The following SCN2A variants were observed in gnomAD, a reference collection of about 807,000 sequenced individuals.
The protein encoded by SCN2A is sodium voltage-gated channel alpha subunit 2.
Under a neutral mutation model 188.7 loss-of-function variants are expected in SCN2A, and 20 were observed. The ratio of observed to expected loss-of-function variants is 0.11; its 90% CI spans 0.07 to 0.15. SCN2A has a LOEUF of 0.15. Ranked by LOEUF, SCN2A falls within the 10% of genes least tolerant of loss-of-function variation. SCN2A has a pLI of 1.00. For synonymous variants in SCN2A, 804 were observed against 833.1 expected, an observed-to-expected ratio of 0.97 and a Z score of 0.60; for missense variants, 1,278 against 2,445.0, an observed-to-expected ratio of 0.52 and a Z score of 10.07.
At chr2:165,295,734 C>A in intron 1 of SCN2A, 39 bp from the exon 2 acceptor site, 2 of 1,584,488 alleles carry the variant, frequency 1.3e-6, no homozygotes, top group East Asian at 2.2e-5. Context: ...ACCTTTTATT[C>A]TAATGGTCAT....
At chr2:165,281,891 G>A (rs1695598231) in intron 1 of SCN2A, among the ~76,000 whole-genome samples, 1 of 152,116 alleles carries the variant, frequency 6.6e-6, no homozygotes, top group Non-Finnish European at 1.5e-5. Flanking sequence ...TTTTGTAAGT[G>A]AAAGTCATGG....
intron 1 of SCN2A, among the ~76,000 whole-genome samples, chr2:165,265,491 A>ATATATATATATATATATATATT (rs1694811373): frequency 8.5e-6 from 1 of 117,588 alleles, no homozygotes; most frequent in African/African-American, 3.1e-5. Context: ...ATATATATAT[A>ATATATATATATATATATATATT]TATATATATA....
intron 17 of SCN2A, among the ~76,000 whole-genome samples, chr2:165,363,890 C>A (rs1449227014): frequency 6.6e-6 from 1 of 151,936 alleles, no homozygotes; most frequent in Non-Finnish European, 1.5e-5. Context: ...GTACAAGAGA[C>A]AAAAGCATTT....
In SCN2A at chr2:165,331,547, T is replaced by C. The variant is rs1181917414; in HGVS notation, c.2367T>C (p.Ser789=). 6.2e-7 allele frequency: 1 copy of C among 1,613,256 alleles called. No individual in the cohort carries two copies. Among genetic ancestry groups the C allele is most frequent in the Non-Finnish European group, 8.5e-7 (1 of 1,179,500 alleles). Residue 789 remains serine, a synonymous_variant, in exon 14 of 27, where the codon AGT becomes AGC. Coordinates refer to ENST00000375437, the MANE Select transcript of SCN2A (RefSeq NM_001040142.2). ...ATCCCATGACGGAGCAGTTCAGCAGTGTACTGTCTGTTGGAAACCTGGTAA... is the reference window on the plus strand; with the variant it reads ...ATCCCATGACGGAGCAGTTCAGCAGCGTACTGTCTGTTGGAAACCTGGTAA... The part of the protein sequence containing the change: ...EHYPMTEQFS[S]VLSVGNLVFT...
At position 165,345,151 on chromosome 2, in the gene SCN2A, T is replaced by A. The variant is rs57398893; in HGVS notation, c.2919+240T>A. ...TCCTTCTTGCTACAAGGAGAGAAACTTTTCTGTTATTTATCTTTCAGTTCT... is the reference window on the plus strand; with the variant it reads ...TCCTTCTTGCTACAAGGAGAGAAACATTTCTGTTATTTATCTTTCAGTTCT... On this transcript the variant is annotated intron_variant, in intron 16 of 26. Transcript: ENST00000375437. Among the ~76,000 whole-genome samples, 4,535 of 152,238 alleles carry A rather than the reference T, an allele frequency of 0.03. 207 individuals carry two copies. The highest frequency in any genetic ancestry group is 0.1 in the African/African-American group (4,242 of 41,528).
chr2:165,254,259 A>G (rs1048931205), intron 1 of SCN2A, among the ~76,000 whole-genome samples: 5 of 151,654 alleles, frequency 3.3e-5, no homozygotes, highest in African/African-American at 1.2e-4. Context: ...TCATTAATAT[A>G]TTTTTAAGTA....
chr2:165,329,982 C>T (rs1228751933), intron 13 of SCN2A, among the ~76,000 whole-genome samples: 2 of 151,674 alleles, frequency 1.3e-5, no homozygotes, highest in African/African-American at 2.4e-5. Flanking sequence ...AAACAATAAG[C>T]AATAAATTAA....
chr2:165,263,860 T>G (rs1422322788), intron 1 of SCN2A, among the ~76,000 whole-genome samples: 1 of 151,120 alleles, frequency 6.6e-6, no homozygotes, highest in Non-Finnish European at 1.5e-5. Flanking sequence ...TTAATCTCCT[T>G]CGTTAAGTAT....
chr2:165,291,164 C>A (rs1200001600), intron 1 of SCN2A, among the ~76,000 whole-genome samples: 1 of 150,302 alleles, frequency 6.7e-6, no homozygotes, highest in Non-Finnish European at 1.5e-5. Context: ...GCCTCAGCCT[C>A]CCCAGTAGCT....
At chr2:165,360,143 A>G (rs1037780945) in intron 17 of SCN2A, among the ~76,000 whole-genome samples, 1 of 151,934 alleles carries the variant, frequency 6.6e-6, no homozygotes, top group Non-Finnish European at 1.5e-5. Flanking sequence ...ATTATATACA[A>G]TATCTACTAA....
chr2:165,295,594 C>G (rs546516274), intron 1 of SCN2A, among the ~76,000 whole-genome samples, 179 bp from the exon 2 acceptor site: 6 of 152,202 alleles, frequency 3.9e-5, no homozygotes, highest in Non-Finnish European at 5.9e-5. Flanking sequence ...AGAGATAGAT[C>G]TCCATGTGAG....
chr2:165,348,402 C>T (rs190603460), intron 16 of SCN2A, among the ~76,000 whole-genome samples: 1 of 150,874 alleles, frequency 6.6e-6, no homozygotes, highest in African/African-American at 2.4e-5. Context: ...ACATGATTTC[C>T]TCTCATATAA....
At chr2:165,380,037 A>G (rs1053546630) in intron 23 of SCN2A, among the ~76,000 whole-genome samples, 2 of 151,840 alleles carry the variant, frequency 1.3e-5, no homozygotes, top group African/African-American at 2.4e-5. Context: ...ACCTACTACA[A>G]TGATTCTTGC....
At chr2:165,295,687 G>A in intron 1 of SCN2A, 86 bp from the exon 2 acceptor site, 4 of 1,252,572 alleles carry the variant, frequency 3.2e-6, no homozygotes, top group Non-Finnish European at 4.5e-6. Flanking sequence ...TTTCTATGCT[G>A]TATCTCAGTG....
chr2:165,309,167 A>T (rs778696534), intron 5 of SCN2A, 185 bp from the exon 6 acceptor site: 2 of 1,613,106 alleles, frequency 1.2e-6, no homozygotes, highest in Non-Finnish European at 1.7e-6. Context: ...TTCTACAGGT[A>T]TGTAACAGAA....
chr2:165,337,287 A>G (rs528553358), intron 14 of SCN2A, among the ~76,000 whole-genome samples: 2 of 152,246 alleles, frequency 1.3e-5, no homozygotes, highest in Non-Finnish European at 2.9e-5. Context: ...TAGAGAATTA[A>G]AAGGAAAAAT....
chr2:165,375,648 C>T (rs193012154), intron 22 of SCN2A, among the ~76,000 whole-genome samples: 1 of 151,840 alleles, frequency 6.6e-6, no homozygotes, highest in Non-Finnish European at 1.5e-5. Context: ...AAAGTAAATG[C>T]GCTTGAATGT....
chr2:165,294,275 A>G (rs1160830043), intron 1 of SCN2A: 1 of 253,386 alleles, frequency 3.9e-6, no homozygotes, highest in Admixed American at 6.5e-5. Flanking sequence ...TGTCTCTTCT[A>G]TTAGAGAATC....
chr2:165,274,778 A>G (rs1695262155), intron 1 of SCN2A, among the ~76,000 whole-genome samples: 1 of 152,128 alleles, frequency 6.6e-6, no homozygotes, highest in African/African-American at 2.4e-5. Flanking sequence ...TGTACTTTTC[A>G]TATCCGTAAA....
Sources: allele counts gnomAD v4.1 joint callset (sites outside exome capture counted in the v4.1 genomes callset), GRCh38; gene constraint gnomAD v4.1.1; transcripts MANE v1.5; gene names NCBI Gene and HGNC (gene_info 2026-07-23, HGNC 2026-07-21).